PARG: variants seen among roughly 807,000 people sequenced by gnomAD.
PARG encodes the protein poly(ADP-ribose) glycohydrolase.
A neutral mutation model predicts 113.0 loss-of-function variants in PARG; 35 were observed. The observed-to-expected ratio is 0.31, with a 90% confidence interval of 0.24 to 0.41. PARG has a LOEUF of 0.41. Among genes scored for constraint, PARG ranks in the 10% least tolerant of loss-of-function variants. The probability of loss-of-function intolerance (pLI) is 1.00; values close to 1 mark genes in which losing one functional copy is unlikely to be tolerated. For missense variants in PARG, 797 were observed against 1,169.4 expected (o/e 0.68, Z 4.64); for synonymous variants, 330 against 409.9 (o/e 0.81, Z 2.36).
chr10:49,902,510 G>A (rs1477979619), intron 7 of PARG, among the ~76,000 whole-genome samples: 1 of 152,128 alleles, frequency 6.6e-6, no homozygotes, highest in Non-Finnish European at 1.5e-5. Flanking sequence ...AGAAATCCAA[G>A]AAAGAGAACA....
intron 6 of PARG, among the ~76,000 whole-genome samples, chr10:49,920,481 T>G (rs1292456520): frequency 2.0e-5 from 2 of 101,810 alleles, no homozygotes; most frequent in African/African-American, 6.9e-5. Flanking sequence ...TATATATATA[T>G]ATATATATAT....
At chr10:49,912,536 G>A (rs1476229757) in intron 7 of PARG, among the ~76,000 whole-genome samples, 3 of 152,048 alleles carry the variant, frequency 2.0e-5, no homozygotes, top group South Asian at 2.1e-4. Context: ...GGTGGCGCAC[G>A]TCTGTAGTCC....
At chr10:49,910,217 T>A (rs1361247230) in intron 7 of PARG, among the ~76,000 whole-genome samples, 1 of 152,026 alleles carries the variant, frequency 6.6e-6, no homozygotes. Flanking sequence ...TGACAAGTCA[T>A]AGGACAAGAG....
intron 7 of PARG, among the ~76,000 whole-genome samples, chr10:49,886,068 G>C (rs1335225192): frequency 6.6e-6 from 1 of 152,268 alleles, no homozygotes; most frequent in East Asian, 1.9e-4. Flanking sequence ...TTATCTACTT[G>C]AAATCACATT....
intron 4 of PARG, among the ~76,000 whole-genome samples, chr10:49,931,893 A>C (rs1290895065): frequency 6.6e-6 from 1 of 152,270 alleles, no homozygotes. Flanking sequence ...CCATCAGCTG[A>C]TAATGATTGC....
intron 15 of PARG, among the ~76,000 whole-genome samples, chr10:49,838,476 G>T (rs1282211447): frequency 6.7e-6 from 1 of 148,336 alleles, no homozygotes; most frequent in Non-Finnish European, 1.5e-5. Flanking sequence ...AGTCAGGGGA[G>T]CCTGAATTTG....
At chr10:49,911,973 A>G (rs1192271174) in intron 7 of PARG, among the ~76,000 whole-genome samples, 2 of 152,180 alleles carry the variant, frequency 1.3e-5, no homozygotes, top group Non-Finnish European at 2.9e-5. Context: ...AAAACAAGCC[A>G]CTCAGAGTTC....
At chr10:49,839,166 A>G (rs982300237) in intron 15 of PARG, among the ~76,000 whole-genome samples, 1 of 151,882 alleles carries the variant, frequency 6.6e-6, no homozygotes, top group Non-Finnish European at 1.5e-5. Flanking sequence ...ATGAAACTCC[A>G]CCTCCATTAA....
Position 49,820,270 on chromosome 10 carries a change from C to T in PARG, c.2671G>A (p.Ala891Thr). ...LKALIQILAA[A>T]AAERDVVYFT... ...TAAACCACATCTCGCTCAGCTGCAG[C>T]AGCTGCCAATATCTGTATTAAGGCT... Residue 891 changes from alanine (A) to threonine (T), a missense_variant, in exon 17 of 18, where the codon GCT (alanine) becomes ACT (threonine). Coordinates refer to ENST00000616448, the MANE Select transcript of PARG (RefSeq NM_003631.5). 4 of 1,547,894 alleles carry T rather than the reference C, an allele frequency of 2.6e-6. No individual in the cohort carries two copies. The highest frequency in any genetic ancestry group is 3.5e-6 in the Non-Finnish European group (4 of 1,143,424).
intron 7 of PARG, chr10:49,909,547 C>A (rs1443226277): frequency 6.6e-6 from 1 of 152,618 alleles, no homozygotes; most frequent in Admixed American, 6.6e-5. Flanking sequence ...TTTTAAATGG[C>A]CTTTCTCTTT....
intron 7 of PARG, among the ~76,000 whole-genome samples, chr10:49,895,245 A>T (rs1848020326): frequency 6.6e-6 from 1 of 152,168 alleles, no homozygotes. Context: ...AAGTATCCAA[A>T]GCAATTCACG....
At position 49,941,734 on chromosome 10, in the gene PARG, C is replaced by G; in HGVS notation, c.-9G>C. The G allele has an allele frequency of 6.4e-7, 1 of 1,564,046 alleles. No homozygotes were observed. Among genetic ancestry groups the G allele is most frequent in the Non-Finnish European group, 8.6e-7 (1 of 1,157,854 alleles). Reference sequence around the variant, plus strand: ...CCGGGGCCCGCATTCATGCTGGGACCAGCAGCGCACTGTCCCCGGGCCGGC... The same window carrying G: ...CCGGGGCCCGCATTCATGCTGGGACGAGCAGCGCACTGTCCCCGGGCCGGC... On this transcript the variant is annotated 5_prime_UTR_variant, in exon 1 of 18. Transcript: ENST00000616448.
At chr10:49,835,478 A>G (rs978714638) in intron 15 of PARG, among the ~76,000 whole-genome samples, 1 of 152,100 alleles carries the variant, frequency 6.6e-6, no homozygotes, top group African/African-American at 2.4e-5. Flanking sequence ...ATGAGTTTTG[A>G]TGGGAAGGGA....
At chr10:49,862,817 G>GT (rs35843074) in intron 11 of PARG, among the ~76,000 whole-genome samples, 1 of 151,930 alleles carries the variant, frequency 6.6e-6, no homozygotes, top group Non-Finnish European at 1.5e-5. Flanking sequence ...AAACAGTATC[G>GT]TAAGTTTGAT....
chr10:49,894,741 T>C (rs1402310101), intron 7 of PARG, among the ~76,000 whole-genome samples: 1 of 152,252 alleles, frequency 6.6e-6, no homozygotes, highest in East Asian at 1.9e-4. Context: ...AATTTGATTG[T>C]TATGTCAGTA....
At chr10:49,896,680 C>T (rs1291744260) in intron 7 of PARG, among the ~76,000 whole-genome samples, 1 of 152,054 alleles carries the variant, frequency 6.6e-6, no homozygotes, top group Non-Finnish European at 1.5e-5. Flanking sequence ...AATATAAATC[C>T]AATCCTGCAT....
intron 15 of PARG, among the ~76,000 whole-genome samples, chr10:49,837,815 G>C (rs1334183601): frequency 6.6e-6 from 1 of 152,206 alleles, no homozygotes; most frequent in African/African-American, 2.4e-5. Context: ...GCCAGGCCCT[G>C]AACTAGGTGC....
chr10:49,844,692 T>C (rs893997330), intron 13 of PARG, among the ~76,000 whole-genome samples: 20 of 148,508 alleles, frequency 1.3e-4, no homozygotes, highest in Admixed American at 8.7e-4. Context: ...GGAGGTTGCA[T>C]TGAACTGAGA....
intron 7 of PARG, among the ~76,000 whole-genome samples, chr10:49,913,854 G>A (rs543420903): frequency 6.6e-6 from 1 of 152,266 alleles, no homozygotes; most frequent in African/African-American, 2.4e-5. Context: ...AGTGAGCTGA[G>A]ATTGTGCCGC....
Sources: gnomAD v4.1 joint callset for allele counts (sites outside exome capture counted in the v4.1 genomes callset) on GRCh38, gnomAD v4.1.1 for gene constraint, MANE v1.5 for transcripts, NCBI Gene and HGNC (gene_info 2026-07-23, HGNC 2026-07-21) for gene names.